The following ATP2A3 variants were observed in gnomAD, a reference collection of about 807,000 sequenced individuals.
ATP2A3 encodes the protein sarcoplasmic/endoplasmic reticulum calcium ATPase 3.
ATP2A3 carries 61 observed loss-of-function variants against 106.8 expected under a neutral mutation model. The observed-to-expected ratio is 0.57, with a 90% CI of 0.46 to 0.71. The LOEUF is 0.71. Among genes scored for constraint, ATP2A3 ranks in the 30% least tolerant of loss-of-function variants. The pLI is 0.00. For missense variants in ATP2A3, 1,201 were observed against 1,423.5 expected (o/e 0.84, Z 2.52); for synonymous variants, 611 against 609.3 (o/e 1.00, Z -0.04).
chr17:3,940,477 G>C (rs2053697096), intron 14 of ATP2A3, among the ~76,000 whole-genome samples: 1 of 152,190 alleles, frequency 6.6e-6, no homozygotes, highest in Non-Finnish European at 1.5e-5. Context: ...CCAGATGATA[G>C]ACATGTAGGT....
At chr17:3,945,036 C>T in intron 9 of ATP2A3, 24 bp downstream of exon 9, 3 of 1,499,168 alleles carry the variant, frequency 2.0e-6, no homozygotes, top group Non-Finnish European at 2.7e-6. Context: ...CGCCCGCCCG[C>T]GCGTCCCCTG....
rs1227403818 is a variant in ATP2A3, at chr17:3,941,584, G to A, written c.1616C>T (p.Pro539Leu). The part of the protein sequence containing the change: ...RVGSRTAPLT[P>L]TSREQILAKI... ...TGCCAGGATCTGCTCCCTGGAGGTGGGGGTCAGGGGTGCTGTGCGGCTCCC... is the reference window on the plus strand; with the variant it reads ...TGCCAGGATCTGCTCCCTGGAGGTGAGGGTCAGGGGTGCTGTGCGGCTCCC... The change falls in exon 13 of 21, where the codon CCC becomes CTC. Residue 539 changes from proline (P) to leucine (L), a missense_variant. By Grantham distance (98) the Pro-to-Leu change is moderately conservative (BLOSUM62 -3). Coordinates refer to ENST00000397041, the MANE Select transcript of ATP2A3 (RefSeq NM_005173.4). 6.2e-7 allele frequency: 1 copy of A among 1,613,020 alleles called. No individual in the cohort carries two copies. Among genetic ancestry groups the A allele is most frequent in the East Asian group, 2.2e-5 (1 of 44,894 alleles).
chr17:3,925,236 G>T lies in ATP2A3; in HGVS notation c.*186C>A. ...AATTACAGACCTCCCAGGCCAGAAGGAAGTGGGGACAGAGACCCCAGGACG... is the reference window on the plus strand; with the variant it reads ...AATTACAGACCTCCCAGGCCAGAAGTAAGTGGGGACAGAGACCCCAGGACG... On this transcript the variant is annotated 3_prime_UTR_variant, in exon 21 of 21. Coordinates refer to ENST00000397041, the MANE Select transcript of ATP2A3 (RefSeq NM_005173.4). This position sits in a 1 kb window ranked among gnomAD's most constrained non-coding sequence, Gnocchi z 4.2. 1.2e-6 allele frequency: 1 copy of T among 868,780 alleles called. No homozygotes were observed. The highest frequency in any genetic ancestry group is 1.7e-5 in the African/African-American group (1 of 60,382). 53.8% of individuals were successfully genotyped at this position (868,780 alleles called of 1,614,324 possible). A position where few individuals can be genotyped will look rare whatever the true frequency, so the allele number is the denominator to read the frequency against.
In ATP2A3 at chr17:3,964,202, G is replaced by A. The variant is rs1324018901; in HGVS notation, c.90C>T (p.Thr30=). 5 of 1,247,806 alleles carry A rather than the reference G, an allele frequency of 4.0e-6. No individual in the cohort carries two copies. Among genetic ancestry groups the A allele is most frequent in the South Asian group, 1.9e-5 (1 of 51,904 alleles). 77.3% of individuals were successfully genotyped at this position (1,247,806 alleles called of 1,614,324 possible). The change falls in exon 1 of 21, where the codon ACC becomes ACT. Residue 30 remains threonine (T), a synonymous_variant. Coordinates refer to ENST00000397041, the MANE Select transcript of ATP2A3 (RefSeq NM_005173.4). The part of the protein sequence containing the change: ...AEGGLSPAQV[T]GARERYGPNE... ...TGGGGCCGTAGCGCTCCCGCGCGCC[G>A]GTCACCTGCGCCGGGCTCAGGCCGC...
At chr17:3,941,362 T>C (rs2053761741) in intron 13 of ATP2A3, 56 bp from the exon 14 acceptor site, 18 of 1,613,362 alleles carry the variant, frequency 1.1e-5, no homozygotes, top group Non-Finnish European at 1.5e-5. Context: ...ACCTACCACC[T>C]GCTCAGCTGC....
At position 3,936,418 on chromosome 17, in the gene ATP2A3, C is replaced by T. The variant is rs1181814901; in HGVS notation, c.2373G>A (p.Gln791=). 3.1e-6 allele frequency: 5 copies of T among 1,614,140 alleles called. No individual in the cohort carries two copies. Among genetic ancestry groups the T allele is most frequent in the Non-Finnish European group, 4.2e-6 (5 of 1,180,016 alleles). ...CTGTCACCAGGTTCACCCAGAGCAG[C>T]TGCACAGGGATCAGGGCTTCGGGCA... is the stretch of plus-strand genomic sequence containing the variant. ...LGLPEALIPV[Q]LLWVNLVTDG... Residue 791 remains glutamine (Q), a synonymous_variant, in exon 16 of 21, where the codon CAG becomes CAA. Coordinates refer to ENST00000397041, the MANE Select transcript of ATP2A3 (RefSeq NM_005173.4). The surrounding 1 kb of genome is among the most constrained non-coding windows in gnomAD (Gnocchi z 5.4).
chr17:3,928,168 A>C lies in ATP2A3; in HGVS notation c.2980+495T>G. ...GTCCTCTCCACTCCGGGGTTAAGGC[A>C]GACCCAGAGCTGTGAGCTCAGAAAC... is the stretch of plus-strand genomic sequence containing the variant. On this transcript the variant is annotated intron_variant, in intron 20 of 20. Transcript: ENST00000397041. The surrounding 1 kb of genome is among the most constrained non-coding windows in gnomAD (Gnocchi z 6.1). 1 of 1,604,492 alleles carries C rather than the reference A, an allele frequency of 6.2e-7. No individual in the cohort carries two copies. Among genetic ancestry groups the C allele is most frequent in the Non-Finnish European group, 8.5e-7 (1 of 1,171,550 alleles).
chr17:3,946,583 A>C (rs76870754), intron 8 of ATP2A3, among the ~76,000 whole-genome samples: 4,348 of 152,322 alleles, frequency 0.029, 197 homozygotes, highest in African/African-American at 0.099. Context: ...CTATTAGTCA[A>C]GAAACACTCT....
Position 3,941,314 on chromosome 17 carries a change from G to C in ATP2A3, c.1765-8C>G, listed in dbSNP as rs918768302. 1.5e-5 allele frequency: 25 copies of C among 1,613,546 alleles called. No individual in the cohort carries two copies. The highest frequency in any genetic ancestry group is 2.1e-5 in the Non-Finnish European group (25 of 1,179,862). On this transcript the variant is annotated splice_region_variant and splice_polypyrimidine_tract_variant and intron_variant, in intron 13 of 20. Transcript: ENST00000397041. Reference sequence around the variant, plus strand: ...CACGAAGGTCAGGTCCGTCTGTAGGGAGGGGGCAGATTCAAGCGGGGCCTG... The same window carrying C: ...CACGAAGGTCAGGTCCGTCTGTAGGCAGGGGGCAGATTCAAGCGGGGCCTG...
chr17:3,926,535 G>A lies in ATP2A3; in HGVS notation c.2981-1094C>T, dbSNP rs1004283576. Among the ~76,000 whole-genome samples the A allele has an allele frequency of 3.9e-5, 6 of 152,092 alleles. No homozygotes were observed. Among genetic ancestry groups the A allele is most frequent in the Non-Finnish European group, 7.4e-5 (5 of 68,014 alleles). On this transcript the variant is annotated intron_variant, in intron 20 of 20. Transcript: ENST00000397041. This position sits in a 1 kb window ranked among gnomAD's most constrained non-coding sequence, Gnocchi z 4.6. ...CAGCTCCCCAGATCTGTTCAATGCC[G>A]CTCGCCCACCTCCTGGTGTTAGTCT...
At chr17:3,948,228 C>A (rs140617240) in intron 7 of ATP2A3, among the ~76,000 whole-genome samples, 1 of 152,244 alleles carries the variant, frequency 6.6e-6, no homozygotes, top group Non-Finnish European at 1.5e-5. Context: ...TAGCTGACTA[C>A]GAACCCAATA....
At chr17:3,962,083 G>A (rs1436623422) in intron 1 of ATP2A3, among the ~76,000 whole-genome samples, 1 of 152,186 alleles carries the variant, frequency 6.6e-6, no homozygotes, top group Non-Finnish European at 1.5e-5. Context: ...TGAGAGAAGA[G>A]CCCTCTAGGG....
Position 3,953,423 on chromosome 17 carries a change from GACTTCCCTGGGA to G in ATP2A3, c.137-6_142del. The G allele has an allele frequency of 6.2e-7, 1 of 1,613,972 alleles. No homozygotes were observed. Among genetic ancestry groups the G allele is most frequent in the Non-Finnish European group, 8.5e-7 (1 of 1,180,000 alleles). On this transcript the variant is annotated splice_acceptor_variant and splice_polypyrimidine_tract_variant and coding_sequence_variant and intron_variant, in exon 3 of 21. Transcript: ENST00000397041. LOFTEE classifies it high-confidence loss of function. This position sits in a 1 kb window ranked among gnomAD's most constrained non-coding sequence, Gnocchi z 5.1. Reference sequence around the variant, plus strand: ...CTGTTCCAGCACCAGCTCCCACAGGGACTTCCCTGGGAACGGGGGTCATGTGTGAGGCTGGGC... The same window carrying G: ...CTGTTCCAGCACCAGCTCCCACAGGGACGGGGGTCATGTGTGAGGCTGGGC...
Position 3,926,979 on chromosome 17 carries a change from C to T in ATP2A3, c.2981-1538G>A. On this transcript the variant is annotated intron_variant, in intron 20 of 20. Transcript: ENST00000397041. The surrounding 1 kb of genome is among the most constrained non-coding windows in gnomAD (Gnocchi z 4.6). ...CTGAGGACAATGTCCAGGGTCTCTACCTTGGCACTCAAGGCCCTTGCCCCT... is the reference window on the plus strand; with the variant it reads ...CTGAGGACAATGTCCAGGGTCTCTATCTTGGCACTCAAGGCCCTTGCCCCT... 4.1e-6 allele frequency: 4 copies of T among 985,484 alleles called. No individual in the cohort carries two copies. Among genetic ancestry groups the T allele is most frequent in the Non-Finnish European group, 4.8e-6 (4 of 829,934 alleles). 61.0% of individuals were successfully genotyped at this position (985,484 alleles called of 1,614,324 possible).
At position 3,941,094 on chromosome 17, in the gene ATP2A3, A is replaced by G; in HGVS notation, c.1977T>C (p.Asp659=). ...GGCGCTGCTGCTCGGGGCTGAGGTCATCAAACTCGCGGCCCGTGTAGGCCT... is the reference window on the plus strand; with the variant it reads ...GGCGCTGCTGCTCGGGGCTGAGGTCGTCAAACTCGCGGCCCGTGTAGGCCT... ...AGKAYTGREF[D]DLSPEQQRQA... The change falls in exon 14 of 21, where the codon GAT becomes GAC. Residue 659 remains aspartate, a synonymous_variant. Coordinates refer to ENST00000397041, the MANE Select transcript of ATP2A3 (RefSeq NM_005173.4). 1 of 1,613,942 alleles carries G rather than the reference A, an allele frequency of 6.2e-7. No homozygotes were observed. Among genetic ancestry groups the G allele is most frequent in the Non-Finnish European group, 8.5e-7 (1 of 1,179,912 alleles).
At chr17:3,949,057 G>A (rs1049645153) in intron 7 of ATP2A3, among the ~76,000 whole-genome samples, 4 of 150,782 alleles carry the variant, frequency 2.7e-5, no homozygotes, top group African/African-American at 9.8e-5. Flanking sequence ...GAACTCGGGA[G>A]GCGGAAGTTG....
At chr17:3,927,844 C>T in intron 20 of ATP2A3, 1 of 1,542,124 alleles carries the variant, frequency 6.5e-7, no homozygotes, top group Non-Finnish European at 8.7e-7. Flanking sequence ...GGGCACATTC[C>T]TGCCAGAGGT....
intron 1 of ATP2A3, among the ~76,000 whole-genome samples, chr17:3,961,020 G>A (rs539534281): frequency 1.7e-4 from 26 of 152,286 alleles, no homozygotes; most frequent in African/African-American, 5.8e-4. Flanking sequence ...AAGCCCCACC[G>A]TGCTCCTCCT....
intron 4 of ATP2A3, 23 bp downstream of exon 4, chr17:3,951,558 G>GCCCACC: frequency 1.4e-6 from 1 of 716,234 alleles, no homozygotes; most frequent in South Asian, 1.6e-5. Context: ...CCCCCGCCCG[G>GCCCACC]TCCCACCCCC....
Sources: allele counts gnomAD v4.1 joint callset (sites outside exome capture counted in the v4.1 genomes callset), GRCh38; gene constraint gnomAD v4.1.1; non-coding constraint Gnocchi (gnomAD v3.1); transcripts MANE v1.5; gene names NCBI Gene and HGNC (gene_info 2026-07-23, HGNC 2026-07-21).